The following INPP4B variants were observed in gnomAD, a reference collection of about 807,000 sequenced individuals.
The protein encoded by INPP4B is inositol polyphosphate-4-phosphatase type II B, also known as inositol polyphosphate 4-phosphatase type II.
In INPP4B, 55 loss-of-function variants were observed where a neutral mutation model predicts 122.5. The observed-to-expected ratio is 0.45, with a 90% CI of 0.36 to 0.56. The LOEUF is 0.56. Among genes scored for constraint, INPP4B ranks in the 20% least tolerant of loss-of-function variants. The pLI, the probability that INPP4B is intolerant of heterozygous loss-of-function variation, is 0.00. For missense variants in INPP4B, 1,000 were observed against 1,097.7 expected (o/e 0.91, Z 1.26); for synonymous variants, 403 against 388.7 (o/e 1.04, Z -0.43).
intron 2 of INPP4B, among the ~76,000 whole-genome samples, chr4:142,653,584 G>A (rs569065984): frequency 3.9e-5 from 6 of 152,226 alleles, no homozygotes; most frequent in Non-Finnish European, 7.4e-5. Context: ...CTTCATAAAA[G>A]AAGACATTCA....
intron 11 of INPP4B, among the ~76,000 whole-genome samples, chr4:142,253,720 GCTGA>G (rs1733850652): frequency 6.6e-6 from 1 of 152,214 alleles, no homozygotes; most frequent in African/African-American, 2.4e-5. Flanking sequence ...ACGGAGTCTG[GCTGA>G]CTGCTAGCAC....
At chr4:142,037,376 C>T (rs1453495255) in intron 25 of INPP4B, among the ~76,000 whole-genome samples, 1 of 152,108 alleles carries the variant, frequency 6.6e-6, no homozygotes, top group Non-Finnish European at 1.5e-5. Flanking sequence ...AAGTCACACC[C>T]ATCACAGATA....
At chr4:142,132,991 T>A (rs1368217880) in intron 18 of INPP4B, among the ~76,000 whole-genome samples, 1 of 152,198 alleles carries the variant, frequency 6.6e-6, no homozygotes, top group African/African-American at 2.4e-5. Context: ...ACATCCGTAC[T>A]GCTAAATCCA....
At chr4:142,354,129 G>C (rs778404411) in intron 7 of INPP4B, among the ~76,000 whole-genome samples, 2 of 151,858 alleles carry the variant, frequency 1.3e-5, no homozygotes, top group Non-Finnish European at 2.9e-5. Context: ...AAATGCAATA[G>C]CCGAAACCAC....
intron 25 of INPP4B, among the ~76,000 whole-genome samples, chr4:142,059,176 A>G (rs1378467733): frequency 6.6e-6 from 1 of 152,186 alleles, no homozygotes; most frequent in East Asian, 1.9e-4. Flanking sequence ...CTAGCAAAAC[A>G]TGGTGACATT....
At chr4:142,229,351 T>C (rs1205389889) in intron 12 of INPP4B, among the ~76,000 whole-genome samples, 3 of 152,100 alleles carry the variant, frequency 2.0e-5, no homozygotes, top group African/African-American at 7.2e-5. Flanking sequence ...CTCAATAAAG[T>C]ATTTAGATTC....
intron 2 of INPP4B, among the ~76,000 whole-genome samples, chr4:142,489,775 ATTCT>A (rs1254330516): frequency 1.3e-5 from 2 of 152,114 alleles, no homozygotes; most frequent in Admixed American, 1.3e-4. Context: ...GCATTTGTGT[ATTCT>A]TTCTTTGGTT....
At chr4:142,445,303 A>G (rs1242756301) in intron 3 of INPP4B, among the ~76,000 whole-genome samples, 3 of 152,194 alleles carry the variant, frequency 2.0e-5, no homozygotes, top group Non-Finnish European at 4.4e-5. Context: ...TACATATGTT[A>G]TTTGAATCTT....
intron 2 of INPP4B, among the ~76,000 whole-genome samples, chr4:142,711,374 T>C (rs1235653273): frequency 6.6e-6 from 1 of 152,172 alleles, no homozygotes; most frequent in Non-Finnish European, 1.5e-5. Flanking sequence ...CTGTCTTCTT[T>C]AACTGGATCA....
At chr4:142,464,306 A>C (rs1817310139) in intron 2 of INPP4B, among the ~76,000 whole-genome samples, 1 of 152,166 alleles carries the variant, frequency 6.6e-6, no homozygotes, top group Non-Finnish European at 1.5e-5. Context: ...ATTTCATATT[A>C]TTTGGTCAAA....
At chr4:142,806,807 GA>G (rs1554013594) in intron 1 of INPP4B, among the ~76,000 whole-genome samples, 1 of 137,830 alleles carries the variant, frequency 7.3e-6, no homozygotes, top group African/African-American at 2.7e-5. Flanking sequence ...AAGAAAGAAA[GA>G]AAGAAAGAAA....
intron 14 of INPP4B, among the ~76,000 whole-genome samples, chr4:142,208,102 T>A (rs897657468): frequency 1.3e-5 from 2 of 152,154 alleles, no homozygotes; most frequent in Non-Finnish European, 2.9e-5. Context: ...AAATTTTGTT[T>A]TTTATTTATT....
intron 2 of INPP4B, among the ~76,000 whole-genome samples, chr4:142,613,422 G>A (rs1743004126): frequency 6.6e-6 from 1 of 152,110 alleles, no homozygotes; most frequent in African/African-American, 2.4e-5. Context: ...CTAAAAGACT[G>A]TTACATGCTC....
At chr4:142,558,925 A>G (rs1729862962) in intron 2 of INPP4B, among the ~76,000 whole-genome samples, 1 of 151,762 alleles carries the variant, frequency 6.6e-6, no homozygotes, top group African/African-American at 2.4e-5. Context: ...TCAGCCTGGA[A>G]CTGATATATA....
At chr4:142,116,451 T>C (rs1290053065) in intron 21 of INPP4B, among the ~76,000 whole-genome samples, 2 of 152,110 alleles carry the variant, frequency 1.3e-5, no homozygotes, top group Non-Finnish European at 2.9e-5. Flanking sequence ...ACAGAAATTA[T>C]AACAAACTGT....
chr4:142,843,761 G>A (rs1783844841), intron 1 of INPP4B, among the ~76,000 whole-genome samples: 1 of 152,050 alleles, frequency 6.6e-6, no homozygotes, highest in East Asian at 1.9e-4. Flanking sequence ...TGGTTGCTAT[G>A]AGTTTTAAGA....
intron 12 of INPP4B, among the ~76,000 whole-genome samples, chr4:142,230,108 G>A (rs1052709723): frequency 6.6e-6 from 1 of 152,004 alleles, no homozygotes; most frequent in Non-Finnish European, 1.5e-5. Flanking sequence ...CCATCACCAA[G>A]AAATAACCAT....
At chr4:142,321,710 C>A (rs765424750) in intron 7 of INPP4B, among the ~76,000 whole-genome samples, 12 of 152,006 alleles carry the variant, frequency 7.9e-5, no homozygotes, top group African/African-American at 1.2e-4. Context: ...TTATGTTTCC[C>A]TACTTTTGCC....
intron 23 of INPP4B, among the ~76,000 whole-genome samples, chr4:142,096,902 AT>A (rs1204231860): frequency 2.0e-5 from 3 of 152,136 alleles, no homozygotes; most frequent in Non-Finnish European, 4.4e-5. Flanking sequence ...AGAACATGGA[AT>A]TTAGTCTCTC....
Sources: gnomAD v4.1 joint callset for allele counts (sites outside exome capture counted in the v4.1 genomes callset) on GRCh38, gnomAD v4.1.1 for gene constraint, MANE v1.5 for transcripts, NCBI Gene and HGNC (gene_info 2026-07-23, HGNC 2026-07-21) for gene names.